ARAP3: variants seen among roughly 807,000 people sequenced by gnomAD.
ARAP3 encodes ArfGAP with RhoGAP domain, ankyrin repeat and PH domain 3, also known as arf-GAP with Rho-GAP domain, ANK repeat and PH domain-containing protein 3.
Under a neutral mutation model 169.2 loss-of-function variants are expected in ARAP3, and 82 were observed. That is an observed-to-expected ratio of 0.48 (90% confidence interval 0.41 to 0.58). ARAP3 has a LOEUF of 0.58. Ranked by LOEUF, ARAP3 falls within the 20% of genes least tolerant of loss-of-function variation. ARAP3 has a pLI of 0.00. For synonymous variants in ARAP3, 791 were observed against 800.3 expected (o/e 0.99, Z 0.20); for missense variants, 1,764 against 2,018.0 (o/e 0.87, Z 2.41).
rs1441385793 is a variant in ARAP3, at chr5:141,670,125, T to C, written c.2108-62A>G. 5 of 1,562,538 alleles carry C rather than the reference T, an allele frequency of 3.2e-6. No individual in the cohort carries two copies. The Admixed American group carries it at 1.1e-4, about 35-fold the overall frequency. ...TCTGCCCCCACTGTCATAGTTCCAG[T>C]TTACCAGATATTTATTCTGTGCCAA... On this transcript the variant is annotated intron_variant, in intron 14 of 32. Transcript: ENST00000239440.
Position 141,659,487 on chromosome 5 carries a change from GC to G in ARAP3, c.3268-12del, listed in dbSNP as rs767318106. 1 of 1,613,930 alleles carries G rather than the reference GC, an allele frequency of 6.2e-7. No homozygotes were observed. The highest frequency in any genetic ancestry group is 8.5e-7 in the Non-Finnish European group (1 of 1,179,882). ...CTGGTCAGAATCGATCTGTGAAAGAGCCAAAAGAGAGTGTTGGGGTGCTGGA... is the reference window on the plus strand; with the variant it reads ...CTGGTCAGAATCGATCTGTGAAAGAGCAAAAGAGAGTGTTGGGGTGCTGGA... On this transcript the variant is annotated splice_polypyrimidine_tract_variant and intron_variant, in intron 22 of 32. Transcript: ENST00000239440.
At chr5:141,660,146 G>A (rs1001194225) in intron 21 of ARAP3, among the ~76,000 whole-genome samples, 7 of 152,210 alleles carry the variant, frequency 4.6e-5, no homozygotes, top group African/African-American at 1.7e-4. Flanking sequence ...AGGACAGACA[G>A]TCTCTGTTCT....
At chr5:141,655,165 C>T in intron 32 of ARAP3, among the ~76,000 whole-genome samples, 197 bp downstream of exon 32, 1 of 145,928 alleles carries the variant, frequency 6.9e-6, no homozygotes, top group South Asian at 2.2e-4. Context: ...CTCACACACA[C>T]ACACACCCTG....
In ARAP3 at chr5:141,680,200, G is replaced by T. The variant is rs764484654; in HGVS notation, c.287C>A (p.Pro96Gln). 6.2e-7 allele frequency: 1 copy of T among 1,611,310 alleles called. No homozygotes were observed. Among genetic ancestry groups the T allele is most frequent in the South Asian group, 1.1e-5 (1 of 90,914 alleles). ...TCCACCAAACACGGTCCTGGGCTTC[G>T]GCACGGGCTTAGGGGGCTGGGCTTG... The part of the protein sequence containing the change: ...APQAQPPKPV[P>Q]KPRTVFGGLS... The change falls in exon 2 of 33, where the codon CCG (proline) becomes CAG (glutamine). Residue 96 changes from proline to glutamine, a missense_variant. Pro to Gln is a moderately conservative substitution (Grantham distance 76, BLOSUM62 -1). Coordinates refer to ENST00000239440, the MANE Select transcript of ARAP3 (RefSeq NM_022481.6).
chr5:141,669,568 C>T lies in ARAP3; in HGVS notation c.2352+141G>A, dbSNP rs188179651. 280 of 762,164 alleles carry T rather than the reference C, an allele frequency of 3.7e-4. 1 individual carries two copies. In the African/African-American group the frequency reaches 3.9e-3, roughly 11 times the overall value. 47.2% of individuals were successfully genotyped at this position (762,164 alleles called of 1,614,324 possible). The stretch of plus-strand genomic sequence containing the variant: ...GATATCGAGTGGGCAGTGCTTAACA[C>T]AGGGCCTGGCACAGAATATGTGCTC... On this transcript the variant is annotated intron_variant, in intron 16 of 32. Transcript: ENST00000239440.
In ARAP3 at chr5:141,654,188, G is replaced by A. The variant is rs1373315400; in HGVS notation, c.4397C>T (p.Pro1466Leu). ...LGQEERPPEP[P>L]PGPPSKSSPQ... Reference sequence around the variant, plus strand: ...ACTGCTCTTTGAAGGGGGGCCTGGAGGGGGCTCAGGTGGCCTCTCCTCCTG... The same window carrying A: ...ACTGCTCTTTGAAGGGGGGCCTGGAAGGGGCTCAGGTGGCCTCTCCTCCTG... Residue 1466 changes from proline (P) to leucine (L), a missense_variant, in exon 33 of 33, where the codon CCT becomes CTT. By Grantham distance (98) the Pro-to-Leu change is moderately conservative. This residue lies in a region of ARAP3 where 1,112 missense variants were observed against 1,285.7 expected (regional missense o/e 0.86). Coordinates refer to ENST00000239440, the MANE Select transcript of ARAP3 (RefSeq NM_022481.6). The A allele has an allele frequency of 1.9e-6, 3 of 1,613,926 alleles. No individual in the cohort carries two copies. The highest frequency in any genetic ancestry group is 2.5e-6 in the Non-Finnish European group (3 of 1,179,946).
At position 141,672,945 on chromosome 5, in the gene ARAP3, A is replaced by T. The variant is rs1291624176; in HGVS notation, c.1094-20T>A. 2.5e-6 allele frequency: 4 copies of T among 1,612,176 alleles called. No individual in the cohort carries two copies. Among genetic ancestry groups the T allele is most frequent in the Non-Finnish European group, 3.4e-6 (4 of 1,178,820 alleles). On this transcript the variant is annotated intron_variant, in intron 7 of 32. Coordinates refer to ENST00000239440, the MANE Select transcript of ARAP3 (RefSeq NM_022481.6). This position sits in a 1 kb window ranked among gnomAD's most constrained non-coding sequence, Gnocchi z 4.9. ...GCTGAGCTGGTGGGGATGGAGAAGC[A>T]GGTCAGTGGCTGTTGCTCACACAGC...
At chr5:141,656,365 G>T (rs2099909273) in intron 27 of ARAP3, 89 bp from the exon 28 acceptor site, 2 of 1,594,632 alleles carry the variant, frequency 1.3e-6, no homozygotes, top group Admixed American at 3.4e-5. Context: ...GGGGTCTGTG[G>T]TCACAGGGTC....
At position 141,673,707 on chromosome 5, in the gene ARAP3, T is replaced by C. The variant is rs1434296926; in HGVS notation, c.800A>G (p.Glu267Gly). The change falls in exon 5 of 33, where the codon GAG becomes GGG. Residue 267 changes from glutamate to glycine, a missense_variant. Physicochemically the swap from Glu to Gly is moderately conservative, Grantham distance 98. Around this residue, in one of 3 missense-constraint regions of ARAP3, gnomAD observed 630 missense variants for 678.7 expected, o/e 0.93. Transcript: ENST00000239440. Reference protein sequence around the residue: ...TLLSPTLETEETSDDLISPYA... With the variant: ...TLLSPTLETEGTSDDLISPYA... ...GGGTGAAATGAGGTCATCACTGGTC[T>C]CCTCTGTTTCCAGGGTGGGCGATAA... 36 of 1,614,046 alleles carry C rather than the reference T, an allele frequency of 2.2e-5. No individual in the cohort carries two copies. The highest frequency in any genetic ancestry group is 2.9e-5 in the Non-Finnish European group (34 of 1,180,040).
intron 4 of ARAP3, among the ~76,000 whole-genome samples, chr5:141,675,126 C>T (rs1381646097): frequency 6.6e-6 from 1 of 152,198 alleles, no homozygotes; most frequent in Non-Finnish European, 1.5e-5. Context: ...TTTGCACACG[C>T]TCTTCCCTCT....
At chr5:141,658,806 T>G (rs1188355712) in intron 23 of ARAP3, among the ~76,000 whole-genome samples, 153 bp from the exon 24 acceptor site, 1 of 152,190 alleles carries the variant, frequency 6.6e-6, no homozygotes, top group Non-Finnish European at 1.5e-5. Flanking sequence ...GGGAGACCTC[T>G]GGGAGTGGCA....
chr5:141,654,109 GA>G lies in ARAP3; in HGVS notation c.4475del (p.Leu1492ProfsTer3), dbSNP rs2099908880. ...EEQLLQELSS[L>X]ILRKGETTAG... ...CAGTGGTCTCTCCTTTCCTCAGGAT[GA>G]GGCTGCTGAGCTCCTGGAGCAGCTG... On this transcript the variant is annotated frameshift_variant, in exon 33 of 33. Coordinates refer to ENST00000239440, the MANE Select transcript of ARAP3 (RefSeq NM_022481.6). LOFTEE classifies it low-confidence loss of function (END_TRUNC). 1 of 1,611,962 alleles carries G rather than the reference GA, an allele frequency of 6.2e-7. No individual in the cohort carries two copies. Among genetic ancestry groups the G allele is most frequent in the Non-Finnish European group, 8.5e-7 (1 of 1,178,810 alleles).
intron 16 of ARAP3, among the ~76,000 whole-genome samples, chr5:141,669,335 G>A (rs560506139): frequency 2.5e-4 from 38 of 152,310 alleles, no homozygotes; most frequent in African/African-American, 8.9e-4. Flanking sequence ...GGTGGGTAGT[G>A]GGAATCAGAG....
chr5:141,656,955 AT>A (rs2099909338), intron 25 of ARAP3, 109 bp from the exon 26 acceptor site: 3 of 1,409,562 alleles, frequency 2.1e-6, no homozygotes, highest in African/African-American at 2.9e-5. Context: ...ACAGACATTT[AT>A]TTTTCACTGT....
chr5:141,665,219 AG>A, intron 18 of ARAP3, 91 bp downstream of exon 18: 1 of 1,573,582 alleles, frequency 6.4e-7, no homozygotes, highest in Non-Finnish European at 8.7e-7. Context: ...AGAAACTTTG[AG>A]GAAGTGGGCA....
rs766997460 is a variant in ARAP3, at chr5:141,662,089, G to A, written c.2967C>T (p.Asp989=). 1 of 1,614,192 alleles carries A rather than the reference G, an allele frequency of 6.2e-7. No individual in the cohort carries two copies. The change falls in exon 20 of 33, where the codon GAC becomes GAT. Residue 989 remains aspartate, a synonymous_variant. Coordinates refer to ENST00000239440, the MANE Select transcript of ARAP3 (RefSeq NM_022481.6). ...GCAGCAACCGTGCAGAGGTCACAGG[G>A]TCATCGAGCTCACGAAAGAAGCGTT... is the stretch of plus-strand genomic sequence containing the variant. The part of the protein sequence containing the change: ...TLKRFFRELD[D]PVTSARLLPR...
Position 141,654,292 on chromosome 5 carries a change from C to T in ARAP3, c.4293G>A (p.Trp1431Ter). The change falls in exon 33 of 33, where the codon TGG (tryptophan) becomes TGA (stop). Residue 1431 changes from tryptophan to a stop codon, truncating the protein, a stop_gained. Coordinates refer to ENST00000239440, the MANE Select transcript of ARAP3 (RefSeq NM_022481.6). LOFTEE classifies it high-confidence loss of function. ...TSTSFSTTRE[W>*]TVKPENPLTS... ...TGAGGGGGTTCTCTGGCTTCACTGT[C>T]CACTCCCGTGTGGTGGAGAAGGAGG... 6.2e-7 allele frequency: 1 copy of T among 1,614,098 alleles called. No individual in the cohort carries two copies. The highest frequency in any genetic ancestry group is 8.5e-7 in the Non-Finnish European group (1 of 1,180,012).
intron 17 of ARAP3, among the ~76,000 whole-genome samples, 159 bp downstream of exon 17, chr5:141,666,265 G>A (rs775010456): frequency 2.0e-5 from 3 of 152,126 alleles, no homozygotes; most frequent in Non-Finnish European, 2.9e-5. Context: ...AGGAAGTGAT[G>A]AAGGTGGGGT....
chr5:141,673,783 G>T lies in ARAP3; in HGVS notation c.724C>A (p.Arg242=), dbSNP rs201192030. The T allele has an allele frequency of 8.2e-5, 133 of 1,614,082 alleles. No homozygotes were observed. In the Middle Eastern group the frequency reaches 1.5e-3, roughly 18 times the overall value. The change falls in exon 5 of 33, where the codon CGG becomes AGG. Residue 242 remains arginine, a synonymous_variant. Coordinates refer to ENST00000239440, the MANE Select transcript of ARAP3 (RefSeq NM_022481.6). ...AGGCTGGCATAGCCAGCATCCTCCCGTGCCTCCAGATCCTGTCTGCTGAGC... is the reference window on the plus strand; with the variant it reads ...AGGCTGGCATAGCCAGCATCCTCCCTTGCCTCCAGATCCTGTCTGCTGAGC... ...HRLSRQDLEA[R]EDAGYASLEL...
Sources: allele counts gnomAD v4.1 joint callset (sites outside exome capture counted in the v4.1 genomes callset), GRCh38; gene constraint gnomAD v4.1.1; regional missense constraint gnomAD v4.1.1; non-coding constraint Gnocchi (gnomAD v3.1); transcripts MANE v1.5; gene names NCBI Gene and HGNC (gene_info 2026-07-23, HGNC 2026-07-21).